Variants in KCNJ16 observed in about 807,000 individuals in gnomAD.
KCNJ16 encodes potassium inwardly rectifying channel subfamily J member 16, also known as inward rectifier potassium channel 16.
A neutral mutation model predicts 18.5 loss-of-function variants in KCNJ16; 15 were observed. The observed-to-expected ratio is 0.81, with a 90% CI of 0.54 to 1.25. The LOEUF (loss-of-function observed/expected upper bound fraction) is 1.25, where lower values mean the gene tolerates loss of function less well. KCNJ16 is among the 50% of genes most tolerant of loss of function. The probability of loss-of-function intolerance (pLI) is 0.00; values close to 1 mark genes in which losing one functional copy is unlikely to be tolerated. For synonymous variants in KCNJ16, 174 were observed against 186.5 expected (o/e 0.93, Z 0.55); for missense variants, 523 against 525.7 (o/e 0.99, Z 0.05).
chr17:70,110,480 G>GCACACACACACA lies in KCNJ16; in HGVS notation c.-191+9715_-191+9716insACACACACACAC, dbSNP rs1337834954. Among the ~76,000 whole-genome samples the GCACACACACACA allele has an allele frequency of 4.4e-3, 662 of 151,108 alleles. 3 individuals carry two copies. Among genetic ancestry groups the GCACACACACACA allele is most frequent in the Middle Eastern group, 0.031 (9 of 290 alleles). On this transcript the variant is annotated intron_variant, in intron 2 of 3. Transcript: ENST00000392671. ...ACTTACACACCTACACACTTCGTGC[G>GCACACACACACA]CGCACACACACACACACACACAAAC... is the stretch of plus-strand genomic sequence containing the variant.
chr17:70,105,287 G>A (rs1002201347), intron 2 of KCNJ16, among the ~76,000 whole-genome samples: 3 of 152,152 alleles, frequency 2.0e-5, no homozygotes, highest in Non-Finnish European at 2.9e-5. Flanking sequence ...GAGCCAAACA[G>A]ATTAAAAATG....
intron 2 of KCNJ16, among the ~76,000 whole-genome samples, chr17:70,123,351 G>T (rs984278279): frequency 6.6e-6 from 1 of 152,304 alleles, no homozygotes; most frequent in East Asian, 1.9e-4. Context: ...AGAAACCTTT[G>T]CATGAGTCAT....
intron 2 of KCNJ16, among the ~76,000 whole-genome samples, chr17:70,118,997 T>C (rs553179481): frequency 2.6e-5 from 4 of 152,296 alleles, no homozygotes; most frequent in South Asian, 4.1e-4. Flanking sequence ...AATAGGGGCA[T>C]TGTACAAACA....
At chr17:70,127,370 G>GCTCC (rs1390629033) in intron 2 of KCNJ16, among the ~76,000 whole-genome samples, 1 of 152,040 alleles carries the variant, frequency 6.6e-6, no homozygotes, top group Non-Finnish European at 1.5e-5. Flanking sequence ...CGAATGAAGA[G>GCTCC]CTCCACCTAA....
At chr17:70,097,382 T>G (rs1161029658) in intron 1 of KCNJ16, among the ~76,000 whole-genome samples, 1 of 152,210 alleles carries the variant, frequency 6.6e-6, no homozygotes, top group Non-Finnish European at 1.5e-5. Context: ...AAGAATGGAA[T>G]GAGTTACCTT....
At chr17:70,130,735 TAGAG>T (rs1469955952) in intron 2 of KCNJ16, 140 bp from the exon 3 acceptor site, 12 of 569,910 alleles carry the variant, frequency 2.1e-5, no homozygotes, top group Non-Finnish European at 1.9e-5. Context: ...TTCTATGTAA[TAGAG>T]AGGCAGGATT....
At chr17:70,130,331 C>A (rs1192024108) in intron 2 of KCNJ16, among the ~76,000 whole-genome samples, 3 of 152,122 alleles carry the variant, frequency 2.0e-5, no homozygotes, top group Non-Finnish European at 4.4e-5. Context: ...TTTCGCAGCC[C>A]TAGGTCACAT....
intron 1 of KCNJ16, among the ~76,000 whole-genome samples, chr17:70,084,129 T>A (rs941672927): frequency 2.0e-5 from 3 of 152,060 alleles, no homozygotes; most frequent in Non-Finnish European, 2.9e-5. Context: ...CTGAGCACCT[T>A]GTGCCCTACA....
At chr17:70,124,347 T>A (rs188079060) in intron 2 of KCNJ16, among the ~76,000 whole-genome samples, 2 of 152,208 alleles carry the variant, frequency 1.3e-5, no homozygotes, top group African/African-American at 4.8e-5. Context: ...GATACCCGCC[T>A]CTCCAATGTA....
intron 2 of KCNJ16, among the ~76,000 whole-genome samples, chr17:70,120,646 T>A (rs2073596768): frequency 2.0e-5 from 3 of 151,974 alleles, no homozygotes; most frequent in Non-Finnish European, 4.4e-5. Flanking sequence ...GAGAGAAGTG[T>A]CTGGGGGGAA....
intron 2 of KCNJ16, among the ~76,000 whole-genome samples, chr17:70,122,618 C>T (rs1026281944): frequency 1.3e-5 from 2 of 152,200 alleles, no homozygotes; most frequent in African/African-American, 2.4e-5. Flanking sequence ...CTTATAGCAT[C>T]AAATATAAGA....
At chr17:70,121,605 T>C (rs2073641016) in intron 2 of KCNJ16, among the ~76,000 whole-genome samples, 1 of 150,920 alleles carries the variant, frequency 6.6e-6, no homozygotes, top group Non-Finnish European at 1.5e-5. Context: ...AACTGGAGAG[T>C]TTTAAGCAAA....
chr17:70,125,978 T>A (rs920867011), intron 2 of KCNJ16, among the ~76,000 whole-genome samples: 2 of 150,900 alleles, frequency 1.3e-5, no homozygotes, highest in Non-Finnish European at 3.0e-5. Context: ...GAATAAAGAA[T>A]AGCTACTCTA....
intron 2 of KCNJ16, among the ~76,000 whole-genome samples, chr17:70,123,520 T>G (rs961508642): frequency 3.3e-5 from 5 of 152,224 alleles, no homozygotes; most frequent in Non-Finnish European, 7.3e-5. Context: ...GAGAGAGATT[T>G]ATTGAAGTTA....
In KCNJ16 at chr17:70,132,474, A is replaced by T; in HGVS notation, c.387A>T (p.Gln129His). 1 of 1,614,142 alleles carries T rather than the reference A, an allele frequency of 6.2e-7. No homozygotes were observed. Among genetic ancestry groups the T allele is most frequent in the Non-Finnish European group, 8.5e-7 (1 of 1,180,028 alleles). Residue 129 changes from glutamine (Q) to histidine (H), a missense_variant, in exon 4 of 4, where the codon CAA becomes CAT. Gln to His is a conservative substitution (Grantham distance 24). Transcript: ENST00000392671. ...CCTTTTTGTTCTCCCTAGAGACCCA[A>T]ACCACCATAGGATATGGTTATCGCT... ...TGAFLFSLETQTTIGYGYRCV... is the reference protein window; with the variant it reads ...TGAFLFSLETHTTIGYGYRCV...
intron 2 of KCNJ16, among the ~76,000 whole-genome samples, chr17:70,118,358 T>C (rs1276323482): frequency 6.6e-6 from 1 of 151,884 alleles, no homozygotes; most frequent in Non-Finnish European, 1.5e-5. Flanking sequence ...TATATACCTA[T>C]GTAACAAACC....
At position 70,095,870 on chromosome 17, in the gene KCNJ16, C is replaced by CT. The variant is rs147216245; in HGVS notation, c.-299-4758dup. 4.1e-3 allele frequency among the ~76,000 whole-genome samples: 391 copies of CT among 95,356 alleles called. 16 individuals carry two copies. Among genetic ancestry groups the CT allele is most frequent in the South Asian group, 0.012 (33 of 2,696 alleles). The allele number at this position is 95,356 out of a possible 152,430, so 62.6% of individuals were successfully genotyped here. A position where few individuals can be genotyped will look rare whatever the true frequency, so the allele number is the denominator to read the frequency against. On this transcript the variant is annotated intron_variant, in intron 1 of 3. Coordinates refer to ENST00000392671, the MANE Select transcript of KCNJ16 (RefSeq NM_170741.4). ...ATTTGGCATTTTATATTACTTAATC[C>CT]TTTTTTTTTTTTTTTTTTTTTTTTT...
At chr17:70,118,127 A>T (rs1042053713) in intron 2 of KCNJ16, among the ~76,000 whole-genome samples, 8 of 152,212 alleles carry the variant, frequency 5.3e-5, no homozygotes, top group African/African-American at 1.7e-4. Flanking sequence ...GGCAGATTTT[A>T]TCAGTCCATT....
chr17:70,119,172 G>C (rs1430557130), intron 2 of KCNJ16, among the ~76,000 whole-genome samples: 1 of 152,236 alleles, frequency 6.6e-6, no homozygotes, highest in Non-Finnish European at 1.5e-5. Context: ...GCTGGTGCAA[G>C]GGGTTAGGTT....
Sources: gnomAD v4.1 joint callset for allele counts (sites outside exome capture counted in the v4.1 genomes callset) on GRCh38, gnomAD v4.1.1 for gene constraint, MANE v1.5 for transcripts, NCBI Gene and HGNC (gene_info 2026-07-23, HGNC 2026-07-21) for gene names.